LRRC4C: variants seen among roughly 807,000 people sequenced by gnomAD.
The protein encoded by LRRC4C is leucine-rich repeat-containing protein 4C.
LRRC4C carries 5 observed loss-of-function variants against 33.6 expected under a neutral mutation model. The ratio of observed to expected loss-of-function variants is 0.15; its 90% CI spans 0.08 to 0.31. The LOEUF (loss-of-function observed/expected upper bound fraction) is 0.31. Ranked by LOEUF, LRRC4C falls within the 10% of genes least tolerant of loss-of-function variation. The pLI is 1.00. For missense variants in LRRC4C, 560 were observed against 796.7 expected, an observed-to-expected ratio of 0.70 and a Z score of 3.58; for synonymous variants, 329 against 302.0, an observed-to-expected ratio of 1.09 and a Z score of -0.93.
At chr11:40,575,177 G>C (rs1958139592) in intron 3 of LRRC4C, among the ~76,000 whole-genome samples, 2 of 152,164 alleles carry the variant, frequency 1.3e-5, no homozygotes, top group Admixed American at 1.3e-4. Context: ...CAGGTTTCTA[G>C]CTCATGAATG....
chr11:40,223,140 T>C (rs1196569219), intron 5 of LRRC4C, among the ~76,000 whole-genome samples: 1 of 152,214 alleles, frequency 6.6e-6, no homozygotes, highest in African/African-American at 2.4e-5. Context: ...CCATTCTTTA[T>C]TATGTTTGCA....
At chr11:40,858,664 A>G (rs945455504) in intron 2 of LRRC4C, among the ~76,000 whole-genome samples, 2 of 144,554 alleles carry the variant, frequency 1.4e-5, no homozygotes, top group Non-Finnish European at 3.0e-5. Context: ...ACTGCACTCC[A>G]GCCTGGTAAC....
intron 2 of LRRC4C, among the ~76,000 whole-genome samples, chr11:40,693,851 G>C (rs1262791390): frequency 6.6e-6 from 1 of 152,056 alleles, no homozygotes; most frequent in Non-Finnish European, 1.5e-5. Flanking sequence ...TCTCCACCAG[G>C]GAGTGAGCAG....
Position 41,110,969 on chromosome 11 carries a change from A to ACAACT in LRRC4C, c.-495-177247_-495-177246insAGTTG, listed in dbSNP as rs1183605173. Among the ~76,000 whole-genome samples the ACAACT allele has an allele frequency of 3.4e-3, 519 of 152,160 alleles. 1 individual carries two copies. Among genetic ancestry groups the ACAACT allele is most frequent in the African/African-American group, 0.012 (490 of 41,540 alleles). On this transcript the variant is annotated intron_variant, in intron 1 of 6. Transcript: ENST00000528697. ...TTCTGATTCAATATGTCTGAGTTGT[A>ACAACT]ACCCAAGAATTTGCATTTCTAGGAA...
intron 2 of LRRC4C, among the ~76,000 whole-genome samples, chr11:40,796,992 G>A (rs1950860495): frequency 6.6e-6 from 1 of 152,114 alleles, no homozygotes. Flanking sequence ...ACACGCTATA[G>A]AACTTGAGCA....
intron 2 of LRRC4C, among the ~76,000 whole-genome samples, chr11:40,669,343 T>C (rs944031092): frequency 2.0e-5 from 3 of 152,202 alleles, no homozygotes; most frequent in Non-Finnish European, 2.9e-5. Context: ...GAAGCAAATA[T>C]TTTTGCAGTC....
intron 1 of LRRC4C, among the ~76,000 whole-genome samples, chr11:41,194,844 T>A (rs1055820975): frequency 3.3e-5 from 5 of 152,140 alleles, no homozygotes; most frequent in African/African-American, 1.2e-4. Context: ...ATAGTAATAT[T>A]GTTATATAAC....
chr11:40,962,785 C>T (rs1365324751), intron 1 of LRRC4C, among the ~76,000 whole-genome samples: 1 of 151,574 alleles, frequency 6.6e-6, no homozygotes, highest in Non-Finnish European at 1.5e-5. Context: ...TTAAAAGTTG[C>T]CATAAACTTT....
At position 40,740,126 on chromosome 11, in the gene LRRC4C, G is replaced by A. The variant is rs185954071; in HGVS notation, c.-406-91848C>T. ...TTGGGAATAATGATGCAATGAACAT[G>A]GTGCATATATTTCTTCAACATACTA... On this transcript the variant is annotated intron_variant, in intron 2 of 6. Coordinates refer to ENST00000528697, the MANE Select transcript of LRRC4C (RefSeq NM_001258419.2). 3.3e-3 allele frequency among the ~76,000 whole-genome samples: 497 copies of A among 151,962 alleles called. 8 individuals are homozygous for A. The highest frequency in any genetic ancestry group is 0.011 in the African/African-American group (475 of 41,468).
chr11:40,311,603 C>T (rs1945307515), intron 4 of LRRC4C, among the ~76,000 whole-genome samples: 1 of 152,066 alleles, frequency 6.6e-6, no homozygotes, highest in Non-Finnish European at 1.5e-5. Context: ...ATTTTTATTT[C>T]ACCTCTGTTT....
At chr11:41,280,507 C>T (rs578122626) in intron 1 of LRRC4C, among the ~76,000 whole-genome samples, 2 of 152,366 alleles carry the variant, frequency 1.3e-5, no homozygotes, top group East Asian at 3.9e-4. Context: ...GTGCTCAACT[C>T]ATTCTGTGCC....
intron 2 of LRRC4C, among the ~76,000 whole-genome samples, chr11:40,832,169 A>G (rs1952445214): frequency 2.0e-5 from 3 of 152,254 alleles, no homozygotes; most frequent in East Asian, 1.9e-4. Context: ...ACTCTACTGC[A>G]TAGTGTACAC....
intron 4 of LRRC4C, among the ~76,000 whole-genome samples, chr11:40,278,854 C>G (rs186176138): frequency 6.6e-6 from 1 of 152,164 alleles, no homozygotes. Context: ...TGAGTTCCAT[C>G]TGGGGGTGCA....
chr11:40,330,717 T>C (rs1257858198), intron 3 of LRRC4C, among the ~76,000 whole-genome samples: 1 of 152,056 alleles, frequency 6.6e-6, no homozygotes, highest in East Asian at 1.9e-4. Flanking sequence ...CTCACTATCA[T>C]GAGAACAACA....
At chr11:40,743,625 G>T (rs1948272552) in intron 2 of LRRC4C, among the ~76,000 whole-genome samples, 1 of 151,978 alleles carries the variant, frequency 6.6e-6, no homozygotes, top group Admixed American at 6.6e-5. Flanking sequence ...TTTTTGGAGG[G>T]TCATTATCTT....
intron 1 of LRRC4C, among the ~76,000 whole-genome samples, chr11:41,046,027 G>C (rs547880055): frequency 6.6e-6 from 1 of 152,036 alleles, no homozygotes; most frequent in African/African-American, 2.4e-5. Flanking sequence ...GAAAGAAAAA[G>C]ACAAAGAAAT....
chr11:40,329,266 A>G (rs1327441088), intron 3 of LRRC4C, among the ~76,000 whole-genome samples: 1 of 152,224 alleles, frequency 6.6e-6, no homozygotes, highest in Non-Finnish European at 1.5e-5. Context: ...CTAGTCATGC[A>G]GTGATGTCAC....
chr11:40,775,935 G>C (rs1280062709), intron 2 of LRRC4C, among the ~76,000 whole-genome samples: 43 of 152,196 alleles, frequency 2.8e-4, no homozygotes, highest in Non-Finnish European at 1.5e-5. Flanking sequence ...TCATTATTTT[G>C]AGTTATGTTC....
chr11:40,811,978 T>G (rs1242493924), intron 2 of LRRC4C, among the ~76,000 whole-genome samples: 3 of 152,234 alleles, frequency 2.0e-5, no homozygotes, highest in Non-Finnish European at 2.9e-5. Flanking sequence ...CAGCCATTAT[T>G]ATTAATGAGA....
Sources: gnomAD v4.1 joint callset for allele counts (sites outside exome capture counted in the v4.1 genomes callset) on GRCh38, gnomAD v4.1.1 for gene constraint, MANE v1.5 for transcripts, NCBI Gene and HGNC (gene_info 2026-07-23, HGNC 2026-07-21) for gene names.